The following HCN1 variants were observed in gnomAD, a reference collection of about 807,000 sequenced individuals.
HCN1 encodes hyperpolarization activated cyclic nucleotide gated potassium channel 1.
Under a neutral mutation model 78.9 loss-of-function variants are expected in HCN1, and 13 were observed. The observed-to-expected ratio is 0.16, with a 90% CI of 0.11 to 0.26. HCN1 has a LOEUF of 0.26. Among genes scored for constraint, HCN1 ranks in the 10% least tolerant of loss-of-function variants. The pLI is 1.00. For missense variants in HCN1, 810 were observed against 1,154.3 expected, an observed-to-expected ratio of 0.70 and a Z score of 4.32; for synonymous variants, 552 against 455.5, an observed-to-expected ratio of 1.21 and a Z score of -2.70.
intron 2 of HCN1, among the ~76,000 whole-genome samples, chr5:45,537,987 T>A (rs574787360): frequency 2.7e-4 from 41 of 152,056 alleles, no homozygotes; most frequent in Middle Eastern, 3.4e-3. Flanking sequence ...ATTATTGATT[T>A]AACAGTCCTA....
At chr5:45,677,453 C>T (rs1739590454) in intron 1 of HCN1, among the ~76,000 whole-genome samples, 1 of 151,684 alleles carries the variant, frequency 6.6e-6, no homozygotes, top group Non-Finnish European at 1.5e-5. Flanking sequence ...TGTAGGAAAA[C>T]AATCCAAAGA....
chr5:45,323,455 G>T (rs566436844), intron 5 of HCN1, among the ~76,000 whole-genome samples: 275 of 151,784 alleles, frequency 1.8e-3, no homozygotes, highest in African/African-American at 6.5e-3. Flanking sequence ...TCATATAGAA[G>T]GGAATGAAAA....
intron 5 of HCN1, among the ~76,000 whole-genome samples, chr5:45,317,323 T>A (rs1746015309): frequency 6.6e-6 from 1 of 152,186 alleles, no homozygotes; most frequent in Admixed American, 6.5e-5. Flanking sequence ...GGGAAAGGAT[T>A]CCCTATTTAA....
chr5:45,687,214 C>T (rs902812414), intron 1 of HCN1, among the ~76,000 whole-genome samples: 1 of 152,098 alleles, frequency 6.6e-6, no homozygotes. Flanking sequence ...TGTTGTAAAG[C>T]TTCTGTGTAA....
At chr5:45,435,028 C>T (rs1325389275) in intron 3 of HCN1, among the ~76,000 whole-genome samples, 1 of 151,796 alleles carries the variant, frequency 6.6e-6, no homozygotes, top group Non-Finnish European at 1.5e-5. Context: ...AAAGTCAAAG[C>T]TAATTAACAA....
At chr5:45,530,059 G>A (rs6451806) in intron 2 of HCN1, among the ~76,000 whole-genome samples, 109,639 of 151,890 alleles carry the variant, frequency 0.72, 39,898 homozygotes, top group Middle Eastern at 0.84. Flanking sequence ...TAATAGAGAC[G>A]AATTAAGACA....
At chr5:45,357,258 A>G (rs1228499857) in intron 4 of HCN1, among the ~76,000 whole-genome samples, 1 of 152,072 alleles carries the variant, frequency 6.6e-6, no homozygotes, top group Non-Finnish European at 1.5e-5. Context: ...AATTGTCTTT[A>G]TTAAACTCTC....
intron 6 of HCN1, among the ~76,000 whole-genome samples, chr5:45,300,100 G>A (rs1419299804): frequency 1.3e-5 from 2 of 151,884 alleles, no homozygotes; most frequent in African/African-American, 4.8e-5. Context: ...TTAACTGTAA[G>A]GTATTTAAAA....
chr5:45,678,074 C>T (rs1739623365), intron 1 of HCN1, among the ~76,000 whole-genome samples: 2 of 151,570 alleles, frequency 1.3e-5, no homozygotes, highest in East Asian at 1.9e-4. Context: ...CCAAATTCTC[C>T]AGTACATCTG....
intron 5 of HCN1, among the ~76,000 whole-genome samples, chr5:45,312,679 T>G (rs905577686): frequency 6.6e-6 from 1 of 152,176 alleles, no homozygotes; most frequent in Non-Finnish European, 1.5e-5. Context: ...AATACTGCAC[T>G]TTTCCAATGG....
intron 1 of HCN1, among the ~76,000 whole-genome samples, chr5:45,671,667 A>T (rs573646103): frequency 1.3e-5 from 2 of 151,664 alleles, no homozygotes; most frequent in South Asian, 4.1e-4. Flanking sequence ...ATTTAGAAAA[A>T]AGATCAATTT....
chr5:45,541,003 C>G (rs1743093708), intron 2 of HCN1, among the ~76,000 whole-genome samples: 1 of 152,058 alleles, frequency 6.6e-6, no homozygotes, highest in South Asian at 2.1e-4. Context: ...ACCGACTTAT[C>G]CTGATGAAAC....
At chr5:45,349,698 A>G (rs897145719) in intron 5 of HCN1, among the ~76,000 whole-genome samples, 4 of 152,176 alleles carry the variant, frequency 2.6e-5, no homozygotes, top group African/African-American at 9.7e-5. Flanking sequence ...GGATATCACC[A>G]CCGATCCCAC....
chr5:45,556,530 T>C (rs567290047), intron 2 of HCN1, among the ~76,000 whole-genome samples: 8 of 152,074 alleles, frequency 5.3e-5, no homozygotes, highest in Middle Eastern at 3.4e-3. Context: ...CCAAAATCTC[T>C]TGAATGACAT....
chr5:45,505,294 G>C (rs986522507), intron 2 of HCN1, among the ~76,000 whole-genome samples: 1 of 152,030 alleles, frequency 6.6e-6, no homozygotes, highest in Admixed American at 6.6e-5. Flanking sequence ...TGTAAGAAAG[G>C]GATCCAGTTT....
At chr5:45,364,332 G>C (rs934609995) in intron 4 of HCN1, among the ~76,000 whole-genome samples, 1 of 151,930 alleles carries the variant, frequency 6.6e-6, no homozygotes, top group Admixed American at 6.6e-5. Flanking sequence ...CCCTGATCTC[G>C]ACTCGTAAGC....
At chr5:45,492,782 G>GT (rs1022084616) in intron 2 of HCN1, among the ~76,000 whole-genome samples, 57 of 152,148 alleles carry the variant, frequency 3.7e-4, no homozygotes, top group Admixed American at 2.0e-4. Context: ...GATCACAGGT[G>GT]TGAGTGTTAC....
intron 2 of HCN1, among the ~76,000 whole-genome samples, chr5:45,579,068 G>A (rs1744004510): frequency 6.6e-6 from 1 of 151,866 alleles, no homozygotes; most frequent in African/African-American, 2.4e-5. Context: ...TTTATTATTT[G>A]TATTAACATA....
intron 5 of HCN1, among the ~76,000 whole-genome samples, chr5:45,332,724 A>G (rs1204766192): frequency 6.6e-6 from 1 of 151,700 alleles, no homozygotes; most frequent in East Asian, 1.9e-4. Flanking sequence ...TCCACAAAAA[A>G]GTGAGAATAT....
Sources: gnomAD v4.1 joint callset for allele counts (sites outside exome capture counted in the v4.1 genomes callset) on GRCh38, gnomAD v4.1.1 for gene constraint, MANE v1.5 for transcripts, NCBI Gene and HGNC (gene_info 2026-07-23, HGNC 2026-07-21) for gene names.